The following HAPLN3 variants were observed in gnomAD, a reference collection of about 807,000 sequenced individuals.
HAPLN3 encodes the protein extracellular link domain containing, 1.
HAPLN3 carries 28 observed loss-of-function variants against 28.1 expected under a neutral mutation model. The observed-to-expected ratio is 1.00, with a 90% CI of 0.74 to 1.37. HAPLN3 has a LOEUF of 1.37. Among genes scored for constraint, HAPLN3 ranks in the 40% most tolerant of loss-of-function variants. The pLI is 0.00. For missense variants in HAPLN3, 513 were observed against 504.6 expected, an observed-to-expected ratio of 1.02 and a Z score of -0.16; for synonymous variants, 211 against 213.1, an observed-to-expected ratio of 0.99 and a Z score of 0.09.
intron 1 of HAPLN3, among the ~76,000 whole-genome samples, chr15:88,887,866 G>A (rs1897907124): frequency 6.6e-6 from 1 of 152,054 alleles, no homozygotes; most frequent in Non-Finnish European, 1.5e-5. Flanking sequence ...GGGAGGCTGA[G>A]GCAGGAGAAT....
intron 1 of HAPLN3, among the ~76,000 whole-genome samples, chr15:88,889,820 A>G (rs1422677399): frequency 6.6e-6 from 1 of 152,262 alleles, no homozygotes; most frequent in African/African-American, 2.4e-5. Context: ...AACGTGGAAG[A>G]ATGCTTAGGG....
chr15:88,881,360 G>A lies in HAPLN3; in HGVS notation c.490C>T (p.Arg164Trp), dbSNP rs777163714. The A allele has an allele frequency of 6.6e-5, 106 of 1,609,244 alleles. No individual in the cohort carries two copies. Among genetic ancestry groups the A allele is most frequent in the Non-Finnish European group, 8.1e-5 (95 of 1,177,548 alleles). Residue 164 changes from arginine to tryptophan, a missense_variant, in exon 3 of 5, where the codon CGG (arginine) becomes TGG (tryptophan). By Grantham distance (101) the Arg-to-Trp change is moderately radical. Transcript: ENST00000359595. The surrounding 1 kb of genome is among the most constrained non-coding windows in gnomAD (Gnocchi z 6.0). ...DESGLVELEL[R>W]GVVFPYQSPN... The stretch of plus-strand genomic sequence containing the variant: ...CCAGTCCCCGTTAGCATCTCACCCC[G>A]CAGCTCCAGCTCCACCAGACCGCTT...
intron 1 of HAPLN3, among the ~76,000 whole-genome samples, chr15:88,891,388 C>T (rs904159697): frequency 6.6e-6 from 1 of 151,934 alleles, no homozygotes; most frequent in African/African-American, 2.4e-5. Flanking sequence ...CCTCTGCCTC[C>T]TGGGTTCAAA....
intron 1 of HAPLN3, among the ~76,000 whole-genome samples, chr15:88,889,291 G>A (rs1897947430): frequency 6.6e-6 from 1 of 152,254 alleles, no homozygotes; most frequent in African/African-American, 2.4e-5. Flanking sequence ...GGGGTCACCA[G>A]GGCCAGCGTC....
chr15:88,878,819 CT>C (rs1897607494), intron 4 of HAPLN3, 147 bp downstream of exon 4: 2 of 763,342 alleles, frequency 2.6e-6, no homozygotes, highest in Admixed American at 6.2e-5. Context: ...CAACCAGATG[CT>C]GCTTCTAGGG....
intron 1 of HAPLN3, among the ~76,000 whole-genome samples, chr15:88,890,180 A>G (rs1018460858): frequency 1.3e-5 from 2 of 152,200 alleles, no homozygotes; most frequent in African/African-American, 2.4e-5. Flanking sequence ...GAATGGATGT[A>G]AAGAAAGTTG....
At position 88,881,767 on chromosome 15, in the gene HAPLN3, C is replaced by G; in HGVS notation, c.125-42G>C. On this transcript the variant is annotated intron_variant, in intron 2 of 4. Coordinates refer to ENST00000359595, the MANE Select transcript of HAPLN3 (RefSeq NM_178232.4). This position sits in a 1 kb window ranked among gnomAD's most constrained non-coding sequence, Gnocchi z 6.0. Reference sequence around the variant, plus strand: ...GGTGCAGATGAGACCTGCTGAAGCACATCTGTACCCCTGCAAGGGCCACCG... The same window carrying G: ...GGTGCAGATGAGACCTGCTGAAGCAGATCTGTACCCCTGCAAGGGCCACCG... 6.4e-7 allele frequency: 1 copy of G among 1,564,678 alleles called. No individual in the cohort carries two copies. Among genetic ancestry groups the G allele is most frequent in the East Asian group, 2.3e-5 (1 of 44,316 alleles).
chr15:88,890,564 G>T (rs368694690), intron 1 of HAPLN3, among the ~76,000 whole-genome samples: 44 of 152,272 alleles, frequency 2.9e-4, no homozygotes, highest in African/African-American at 9.6e-4. Flanking sequence ...GGTCTAGATG[G>T]GTGCACGACC....
chr15:88,883,108 C>T (rs1037525494), intron 2 of HAPLN3, among the ~76,000 whole-genome samples: 4 of 152,308 alleles, frequency 2.6e-5, no homozygotes, highest in South Asian at 2.1e-4. Flanking sequence ...GTAGAGGAAT[C>T]GTGCTAAAAA....
chr15:88,892,712 C>G (rs1367631183), intron 1 of HAPLN3, among the ~76,000 whole-genome samples: 1 of 152,148 alleles, frequency 6.6e-6, no homozygotes, highest in Non-Finnish European at 1.5e-5. Flanking sequence ...TAAAGGGGAA[C>G]TCGGGGGCTG....
chr15:88,879,118 G>C lies in HAPLN3; in HGVS notation c.645C>G (p.Gly215=). The change falls in exon 4 of 5, where the codon GGC becomes GGG. Residue 215 remains glycine (G), a synonymous_variant. Transcript: ENST00000359595. The surrounding 1 kb of genome is among the most constrained non-coding windows in gnomAD (Gnocchi z 5.0). The stretch of plus-strand genomic sequence containing the variant: ...ACTGCACCGTGGCATCCTGCAGCCA[G>C]CCCGCGTTGCACCAGTCCAGGCCCT... The part of the protein sequence containing the change: ...WEEGLDWCNA[G]WLQDATVQYP... 1 of 1,613,308 alleles carries C rather than the reference G, an allele frequency of 6.2e-7. No homozygotes were observed. Among genetic ancestry groups the C allele is most frequent in the African/African-American group, 1.3e-5 (1 of 75,074 alleles).
In HAPLN3 at chr15:88,881,501, C is replaced by G. The variant is rs374405923; in HGVS notation, c.349G>C (p.Gly117Arg). Residue 117 changes from glycine to arginine, a missense_variant, in exon 3 of 5, where the codon GGC becomes CGC. Coordinates refer to ENST00000359595, the MANE Select transcript of HAPLN3 (RefSeq NM_178232.4). This position sits in a 1 kb window ranked among gnomAD's most constrained non-coding sequence, Gnocchi z 6.0. ...TTGTCCTGCCGCAGGTGCACGCGGCCTTGGTAGTCCCCAAAGGAGCGGTGC... is the reference window on the plus strand; with the variant it reads ...TTGTCCTGCCGCAGGTGCACGCGGCGTTGGTAGTCCCCAAAGGAGCGGTGC... The part of the protein sequence containing the change: ...LRHRSFGDYQ[G>R]RVHLRQDKEH... The G allele has an allele frequency of 1.2e-5, 20 of 1,614,002 alleles. No homozygotes were observed. Among genetic ancestry groups the G allele is most frequent in the Non-Finnish European group, 1.7e-5 (20 of 1,180,054 alleles).
Position 88,880,955 on chromosome 15 carries a change from G to T in HAPLN3, c.493+402C>A, listed in dbSNP as rs972346207. ...GTGCCCAGTCCCCACCACTCCCATC[G>T]TCTCACAGTGGGCTGCCTCATTCGC... On this transcript the variant is annotated intron_variant, in intron 3 of 4. Coordinates refer to ENST00000359595, the MANE Select transcript of HAPLN3 (RefSeq NM_178232.4). This position sits in a 1 kb window ranked among gnomAD's most constrained non-coding sequence, Gnocchi z 6.0. 1.3e-5 allele frequency among the ~76,000 whole-genome samples: 2 copies of T among 152,104 alleles called. No homozygotes were observed. Among genetic ancestry groups the T allele is most frequent in the African/African-American group, 2.4e-5 (1 of 41,396 alleles).
chr15:88,877,766 C>T lies in HAPLN3; in HGVS notation c.*204G>A. ...ACCGCAAATGGCCCAGGGGAGCAAG[C>T]ATGATTCCTGGAGTGGGGCATCCAG... On this transcript the variant is annotated 3_prime_UTR_variant, in exon 5 of 5. Transcript: ENST00000359595. This position sits in a 1 kb window ranked among gnomAD's most constrained non-coding sequence, Gnocchi z 5.1. The T allele has an allele frequency of 1.7e-6, 1 of 582,664 alleles. No homozygotes were observed. Among genetic ancestry groups the T allele is most frequent in the Non-Finnish European group, 3.0e-6 (1 of 337,726 alleles). The allele number at this position is 582,664 out of a possible 1,614,324, so 36.1% of individuals were successfully genotyped here.
At position 88,878,111 on chromosome 15, in the gene HAPLN3, G is replaced by T; in HGVS notation, c.942C>A (p.Gly314=). The T allele has an allele frequency of 6.2e-7, 1 of 1,614,136 alleles. No homozygotes were observed. The highest frequency in any genetic ancestry group is 8.5e-7 in the Non-Finnish European group (1 of 1,180,028). Residue 314 remains glycine (G), a synonymous_variant, in exon 5 of 5, where the codon GGC becomes GGA. Coordinates refer to ENST00000359595, the MANE Select transcript of HAPLN3 (RefSeq NM_178232.4). ...KFHGLDRCDA[G]WLADGSVRYP... ...AGCGGACGCTACCATCTGCCAGCCAGCCAGCGTCGCAGCGGTCCAGGCCAT... is the reference window on the plus strand; with the variant it reads ...AGCGGACGCTACCATCTGCCAGCCATCCAGCGTCGCAGCGGTCCAGGCCAT...
chr15:88,882,711 G>T (rs1016149271), intron 2 of HAPLN3, among the ~76,000 whole-genome samples: 2 of 152,162 alleles, frequency 1.3e-5, no homozygotes, highest in Non-Finnish European at 2.9e-5. Context: ...TTTACTCAAG[G>T]TGGGGACAGG....
intron 2 of HAPLN3, among the ~76,000 whole-genome samples, chr15:88,884,512 C>T (rs922946699): frequency 9.2e-5 from 14 of 151,980 alleles, no homozygotes; most frequent in Non-Finnish European, 1.8e-4. Context: ...TGCAGTGAGC[C>T]GAGATCGCGC....
rs191464227 is a variant in HAPLN3, at chr15:88,890,252, T to C, written c.-47-2907A>G. ...AATCCCAAGGCCCAGACCTGCCATC[T>C]GTGCTGTGCACTGCAGCCAGGACAC... On this transcript the variant is annotated intron_variant, in intron 1 of 4. Transcript: ENST00000359595. Among the ~76,000 whole-genome samples the C allele has an allele frequency of 1.8e-3, 271 of 152,336 alleles. 2 individuals carry two copies. Among genetic ancestry groups the C allele is most frequent in the Middle Eastern group, 0.01 (3 of 294 alleles).
chr15:88,886,232 T>A (rs1422627135), intron 2 of HAPLN3, among the ~76,000 whole-genome samples: 1 of 150,696 alleles, frequency 6.6e-6, no homozygotes, highest in Non-Finnish European at 1.5e-5. Context: ...ATGCCTGTAA[T>A]CCCAGCTGCT....
Sources: allele counts gnomAD v4.1 joint callset (sites outside exome capture counted in the v4.1 genomes callset), GRCh38; gene constraint gnomAD v4.1.1; non-coding constraint Gnocchi (gnomAD v3.1); transcripts MANE v1.5; gene names NCBI Gene and HGNC (gene_info 2026-07-23, HGNC 2026-07-21).